The following ACSS3 variants were observed in gnomAD, a reference collection of about 807,000 sequenced individuals.
The protein encoded by ACSS3 is acyl-CoA synthetase short-chain family member 3, mitochondrial.
A neutral mutation model predicts 84.2 loss-of-function variants in ACSS3; 64 were observed. The ratio of observed to expected loss-of-function variants is 0.76; its 90% CI spans 0.62 to 0.94. The LOEUF is 0.94. Ranked by LOEUF, ACSS3 falls within the 40% of genes least tolerant of loss-of-function variation. The pLI, the probability that ACSS3 is intolerant of heterozygous loss-of-function variation, is 0.00. For missense variants in ACSS3, 815 were observed against 867.6 expected (o/e 0.94, Z 0.76); for synonymous variants, 317 against 310.1 (o/e 1.02, Z -0.23).
At chr12:81,162,432 C>A (rs969313525) in intron 7 of ACSS3, among the ~76,000 whole-genome samples, 1 of 152,134 alleles carries the variant, frequency 6.6e-6, no homozygotes, top group Non-Finnish European at 1.5e-5. Flanking sequence ...GCAAGCTGTC[C>A]CTCAACTCTG....
intron 9 of ACSS3, among the ~76,000 whole-genome samples, chr12:81,213,957 C>CTCTCTCTTTCTTTCTTTCTTTCTT (rs1555181707): frequency 8.1e-5 from 4 of 49,142 alleles, no homozygotes; most frequent in African/African-American, 2.1e-4. Context: ...CTCCCTCTCT[C>CTCTCTCTTTCTTTCTTTCTTTCTT]TCTTTCTTTC....
intron 7 of ACSS3, among the ~76,000 whole-genome samples, chr12:81,153,048 TA>T (rs11459841): frequency 1.3e-5 from 2 of 151,894 alleles, no homozygotes; most frequent in African/African-American, 4.8e-5. Flanking sequence ...ATTGAGATGA[TA>T]AAAAAAATCA....
chr12:81,208,282 T>C (rs546533349), intron 9 of ACSS3, among the ~76,000 whole-genome samples: 1 of 152,298 alleles, frequency 6.6e-6, no homozygotes, highest in East Asian at 1.9e-4. Flanking sequence ...ATTGTTTTAA[T>C]GTAGTTTCTG....
Position 81,233,471 on chromosome 12 carries a change from G to A in ACSS3, c.1719G>A (p.Glu573=), listed in dbSNP as rs767077149. ...GHRISAGAIE[E]SILSHGTVAD... ...GAATTTCTGCAGGCGCCATTGAAGA[G>A]GTATTGATGAATATTGGTATTCTAT... Residue 573 remains glutamate (E), a splice_region_variant and synonymous_variant, in exon 13 of 16, where the codon GAG becomes GAA. Transcript: ENST00000548058. 1.2e-6 allele frequency: 2 copies of A among 1,610,090 alleles called. No individual in the cohort carries two copies. Among genetic ancestry groups the A allele is most frequent in the South Asian group, 1.1e-5 (1 of 90,930 alleles).
intron 9 of ACSS3, among the ~76,000 whole-genome samples, chr12:81,208,361 T>A (rs557860873): frequency 6.6e-6 from 1 of 152,274 alleles, no homozygotes; most frequent in Non-Finnish European, 1.5e-5. Flanking sequence ...GAGCTGGACT[T>A]GTGAACTTGC....
chr12:81,196,099 G>A (rs1027145531), intron 8 of ACSS3, among the ~76,000 whole-genome samples: 1 of 152,156 alleles, frequency 6.6e-6, no homozygotes, highest in African/African-American at 2.4e-5. Context: ...ACCCACACAT[G>A]TACATGCATA....
At position 81,253,575 on chromosome 12, in the gene ACSS3, C is replaced by T. The variant is rs776097345; in HGVS notation, c.1900C>T (p.Arg634Ter). 18 of 1,613,804 alleles carry T rather than the reference C, an allele frequency of 1.1e-5. No homozygotes were observed. Among genetic ancestry groups the T allele is most frequent in the Admixed American group, 6.7e-5 (4 of 59,936 alleles). The change falls in exon 15 of 16, where the codon CGA becomes TGA. Residue 634 changes from arginine (R) to a stop codon, truncating the protein, a stop_gained. Transcript: ENST00000548058. LOFTEE classifies it high-confidence loss of function. The stretch of plus-strand genomic sequence containing the variant: ...GAACATTGGCCCTGTGGCTGCTTTT[C>T]GAAATGCAGTGTTTGTCAAACAGCT... ...RQNIGPVAAFRNAVFVKQLPK... is the reference protein window; with the variant it reads ...RQNIGPVAAF
chr12:81,179,214 C>T (rs200022929), intron 8 of ACSS3, among the ~76,000 whole-genome samples: 1 of 138,752 alleles, frequency 7.2e-6, no homozygotes, highest in Non-Finnish European at 1.5e-5. Flanking sequence ...TACAAAATAG[C>T]ATTCTGGACA....
intron 7 of ACSS3, among the ~76,000 whole-genome samples, chr12:81,156,632 A>G (rs1886886038): frequency 6.6e-6 from 1 of 152,198 alleles, no homozygotes; most frequent in South Asian, 2.1e-4. Flanking sequence ...GACGCTGCAG[A>G]CATCAAAAGT....
At chr12:81,216,221 G>A (rs966466564) in intron 9 of ACSS3, among the ~76,000 whole-genome samples, 1 of 149,526 alleles carries the variant, frequency 6.7e-6, no homozygotes, top group Non-Finnish European at 1.5e-5. Context: ...TAAATTTTAG[G>A]GTACGTGTGC....
Position 81,253,525 on chromosome 12 carries a change from A to G in ACSS3, c.1850A>G (p.Glu617Gly), listed in dbSNP as rs751677077. The change falls in exon 15 of 16, where the codon GAA becomes GGA. Residue 617 changes from glutamate (E) to glycine (G), a missense_variant. Coordinates refer to ENST00000548058, the MANE Select transcript of ACSS3 (RefSeq NM_024560.4). ...AATGCAACAGAGGAGCAAGTTTTGG[A>G]AGAAATTGTGAAACACGTTAGACAG... is the stretch of plus-strand genomic sequence containing the variant. ...DINATEEQVL[E>G]EIVKHVRQNI... The G allele has an allele frequency of 8.1e-6, 13 of 1,613,914 alleles. No individual in the cohort carries two copies. The highest frequency in any genetic ancestry group is 1.1e-5 in the South Asian group (1 of 91,082).
At chr12:81,250,540 T>C (rs1348617378) in intron 13 of ACSS3, among the ~76,000 whole-genome samples, 1 of 151,972 alleles carries the variant, frequency 6.6e-6, no homozygotes, top group Non-Finnish European at 1.5e-5. Flanking sequence ...GCACTAAGAC[T>C]AAGGACAAAA....
intron 1 of ACSS3, among the ~76,000 whole-genome samples, chr12:81,108,611 T>A (rs1055612007): frequency 1.3e-5 from 2 of 152,204 alleles, no homozygotes; most frequent in Non-Finnish European, 2.9e-5. Flanking sequence ...TGCCACTGTA[T>A]CTGTAGCTGC....
intron 8 of ACSS3, among the ~76,000 whole-genome samples, chr12:81,197,772 C>T (rs1380128789): frequency 6.6e-6 from 1 of 152,036 alleles, no homozygotes. Context: ...TTTCATCAAA[C>T]TTTTTCTTAT....
intron 2 of ACSS3, among the ~76,000 whole-genome samples, chr12:81,119,361 G>T (rs1270931752): frequency 6.6e-6 from 1 of 152,162 alleles, no homozygotes; most frequent in East Asian, 1.9e-4. Flanking sequence ...AGCTGTGCAT[G>T]TATTGTCTTG....
chr12:81,199,562 G>T (rs1039329755), intron 9 of ACSS3, 118 bp downstream of exon 9: 5 of 1,453,606 alleles, frequency 3.4e-6, no homozygotes, highest in Admixed American at 3.9e-5. Flanking sequence ...GGATTCGAGT[G>T]GTTCAGGTTT....
intron 11 of ACSS3, among the ~76,000 whole-genome samples, chr12:81,228,872 G>A (rs937820141): frequency 4.1e-4 from 62 of 151,518 alleles, no homozygotes; most frequent in Non-Finnish European, 1.0e-4. Flanking sequence ...TTTGATTTGG[G>A]GTACATAAAA....
intron 2 of ACSS3, among the ~76,000 whole-genome samples, chr12:81,112,653 T>C (rs1259695266): frequency 2.6e-5 from 4 of 152,214 alleles, no homozygotes; most frequent in African/African-American, 9.6e-5. Context: ...CATTGTGTGC[T>C]ACTTTGATTA....
chr12:81,126,400 A>T lies in ACSS3; in HGVS notation c.457-8416A>T, dbSNP rs149431769. On this transcript the variant is annotated intron_variant, in intron 2 of 15. Coordinates refer to ENST00000548058, the MANE Select transcript of ACSS3 (RefSeq NM_024560.4). ...ATGCACCCTAGTCCTGTTGTGTGTT[A>T]ATAACAGGCATCAATTGCATTTTCC... is the stretch of plus-strand genomic sequence containing the variant. 3.3e-5 allele frequency among the ~76,000 whole-genome samples: 5 copies of T among 152,318 alleles called. No homozygotes were observed. The East Asian group carries it at 9.6e-4, about 29-fold the overall frequency.
Sources: allele counts gnomAD v4.1 joint callset (sites outside exome capture counted in the v4.1 genomes callset), GRCh38; gene constraint gnomAD v4.1.1; transcripts MANE v1.5; gene names NCBI Gene and HGNC (gene_info 2026-07-23, HGNC 2026-07-21).